Variants in ATP6V0D1 observed in about 807,000 individuals in gnomAD.
The protein encoded by ATP6V0D1 is V-type proton ATPase subunit d 1.
Under a neutral mutation model 39.0 loss-of-function variants are expected in ATP6V0D1, and 13 were observed. That is an observed-to-expected ratio of 0.33 (90% CI 0.22 to 0.53). The LOEUF is 0.53. Among genes scored for constraint, ATP6V0D1 ranks in the 20% least tolerant of loss-of-function variants. The probability of loss-of-function intolerance (pLI) is 0.94; values close to 1 mark genes in which losing one functional copy is unlikely to be tolerated. For synonymous variants in ATP6V0D1, 191 were observed against 191.2 expected (o/e 1.00, Z 0.01); for missense variants, 272 against 470.9 (o/e 0.58, Z 3.91).
intron 4 of ATP6V0D1, among the ~76,000 whole-genome samples, chr16:67,442,337 G>A (rs984071693): frequency 6.6e-6 from 1 of 152,196 alleles, no homozygotes; most frequent in African/African-American, 2.4e-5. Context: ...CCTGCCCACT[G>A]CGGATCCATG....
chr16:67,471,422 T>C (rs539428328), intron 1 of ATP6V0D1, among the ~76,000 whole-genome samples: 3 of 152,154 alleles, frequency 2.0e-5, no homozygotes, highest in Non-Finnish European at 4.4e-5. Flanking sequence ...ACTCCTGACC[T>C]CAAGCGATCT....
At chr16:67,479,809 C>T (rs1300387149) in intron 1 of ATP6V0D1, among the ~76,000 whole-genome samples, 2 of 152,264 alleles carry the variant, frequency 1.3e-5, no homozygotes, top group East Asian at 3.9e-4. Context: ...ATCCTGGCCA[C>T]CCTTCCCTTC....
rs72650139 is a variant in ATP6V0D1, at chr16:67,438,959, C to T, written c.816+12G>A. 1.7e-3 allele frequency: 2,751 copies of T among 1,613,452 alleles called. 4 individuals are homozygous for T. The highest frequency in any genetic ancestry group is 4.8e-3 in the Middle Eastern group (29 of 6,060). ...CACATCCAACCGCTGTCCTGCCAGC[C>T]GGGGCACTCACCGGGTAGTAATCGG... On this transcript the variant is annotated intron_variant, in intron 6 of 7. Transcript: ENST00000290949.
intron 1 of ATP6V0D1, among the ~76,000 whole-genome samples, chr16:67,461,927 CTCATACTCTCAGGAACACCTTG>C: frequency 6.6e-6 from 1 of 152,302 alleles, no homozygotes; most frequent in African/African-American, 2.4e-5. Flanking sequence ...TTTAATTACC[CTCATACTCTCAGGAACACCTTG>C]TCCCTGAGGC....
intron 4 of ATP6V0D1, 61 bp downstream of exon 4, chr16:67,443,038 C>A (rs1402048548): frequency 6.4e-7 from 1 of 1,566,766 alleles, no homozygotes; most frequent in African/African-American, 1.4e-5. Context: ...CACCACCCTA[C>A]CACTTCCCAC....
chr16:67,438,412 G>T lies in ATP6V0D1; in HGVS notation c.*116C>A. The T allele has an allele frequency of 1.6e-6, 2 of 1,282,432 alleles. No individual in the cohort carries two copies. Among genetic ancestry groups the T allele is most frequent in the Non-Finnish European group, 2.2e-6 (2 of 923,712 alleles). 79.4% of individuals were successfully genotyped at this position (1,282,432 alleles called of 1,614,324 possible). On this transcript the variant is annotated 3_prime_UTR_variant, in exon 8 of 8. Coordinates refer to ENST00000290949, the MANE Select transcript of ATP6V0D1 (RefSeq NM_004691.5). ...CCGCTAGGACAGCGTACTACACCCC[G>T]GACAGGCAGGTGAGCCACAGGCTTG...
chr16:67,443,752 G>GA (rs2041082264), intron 3 of ATP6V0D1, among the ~76,000 whole-genome samples: 1 of 152,198 alleles, frequency 6.6e-6, no homozygotes, highest in Non-Finnish European at 1.5e-5. Flanking sequence ...TAAAGATGGA[G>GA]AAACTGAAGA....
At chr16:67,439,404 T>G in intron 4 of ATP6V0D1, 53 bp from the exon 5 acceptor site, 2 of 1,568,208 alleles carry the variant, frequency 1.3e-6, no homozygotes, top group Non-Finnish European at 1.8e-6. Flanking sequence ...CTGGAGGGCT[T>G]GCTAGGCACA....
At chr16:67,443,855 C>T (rs1182656022) in intron 3 of ATP6V0D1, among the ~76,000 whole-genome samples, 7 of 152,356 alleles carry the variant, frequency 4.6e-5, no homozygotes, top group Admixed American at 3.9e-4. Context: ...TAGCTCAGAA[C>T]CCAGTGCAGC....
intron 1 of ATP6V0D1, among the ~76,000 whole-genome samples, chr16:67,469,903 C>T (rs77925674): frequency 5.2e-4 from 79 of 152,306 alleles, no homozygotes; most frequent in Admixed American, 9.1e-4. Flanking sequence ...GACAACTTGG[C>T]GCCTATGCTT....
intron 1 of ATP6V0D1, among the ~76,000 whole-genome samples, chr16:67,473,440 C>G (rs1335390690): frequency 6.6e-6 from 1 of 152,092 alleles, no homozygotes; most frequent in Non-Finnish European, 1.5e-5. Context: ...CCTCCACCTT[C>G]CGGGTTCAAG....
chr16:67,447,545 T>C lies in ATP6V0D1; in HGVS notation c.303-2839A>G, dbSNP rs779631248. 6.6e-6 allele frequency among the ~76,000 whole-genome samples: 1 copy of C among 151,234 alleles called. No homozygotes were observed. The highest frequency in any genetic ancestry group is 1.5e-5 in the Non-Finnish European group (1 of 67,810). On this transcript the variant is annotated intron_variant, in intron 2 of 7. Transcript: ENST00000290949. This position sits in a 1 kb window ranked among gnomAD's most constrained non-coding sequence, Gnocchi z 4.1. The stretch of plus-strand genomic sequence containing the variant: ...AATAAGGTTCCAGCTGGTCAGCATC[T>C]CCCTCCAGGGGAAGACAGCTGGGGA...
chr16:67,462,689 G>A (rs1382165754), intron 1 of ATP6V0D1, among the ~76,000 whole-genome samples: 4 of 152,172 alleles, frequency 2.6e-5, no homozygotes, highest in African/African-American at 4.8e-5. Flanking sequence ...TGAGCCCAGC[G>A]CAGTGGTACA....
chr16:67,438,536 T>C lies in ATP6V0D1; in HGVS notation c.1048A>G (p.Ile350Val). The C allele has an allele frequency of 6.2e-7, 1 of 1,613,958 alleles. No homozygotes were observed. Among genetic ancestry groups the C allele is most frequent in the Non-Finnish European group, 8.5e-7 (1 of 1,179,992 alleles). ...AGCCTTGGGCCAGGACGCTAGAAGA[T>C]AGGGATGTAGTTGTCGATTTTGGCG... The part of the protein sequence containing the change: ...HRAKIDNYIP[I>V]F Residue 350 changes from isoleucine to valine, a missense_variant, in exon 8 of 8, where the codon ATC becomes GTC. Physicochemically the swap from Ile to Val is conservative, Grantham distance 29 (BLOSUM62 3). Transcript: ENST00000290949.
intron 2 of ATP6V0D1, among the ~76,000 whole-genome samples, chr16:67,446,529 C>T (rs1456058195): frequency 6.6e-6 from 1 of 152,204 alleles, no homozygotes; most frequent in Non-Finnish European, 1.5e-5. Context: ...CCCCCAACCC[C>T]ACAGTGCTGG....
intron 1 of ATP6V0D1, among the ~76,000 whole-genome samples, chr16:67,464,803 C>A (rs1220032138): frequency 6.6e-6 from 1 of 152,272 alleles, no homozygotes; most frequent in Non-Finnish European, 1.5e-5. Flanking sequence ...AAGGTCTGGG[C>A]AAGTGCCCAG....
chr16:67,438,471 GCGCA>G lies in ATP6V0D1; in HGVS notation c.*53_*56del. ...CACATACACACACACGCACACACAC[GCGCA>G]CACACACACACACACACACAAAGAG... On this transcript the variant is annotated 3_prime_UTR_variant, in exon 8 of 8. Transcript: ENST00000290949. 4.6e-6 allele frequency: 7 copies of G among 1,522,748 alleles called. No individual in the cohort carries two copies. Among genetic ancestry groups the G allele is most frequent in the East Asian group, 2.3e-5 (1 of 42,786 alleles). The allele number at this position is 1,522,748 out of a possible 1,614,324, so 94.3% of individuals were successfully genotyped here. A position where few individuals can be genotyped will look rare whatever the true frequency, so the allele number is the denominator to read the frequency against.
chr16:67,449,146 A>T (rs547536771), intron 2 of ATP6V0D1, among the ~76,000 whole-genome samples: 1 of 152,214 alleles, frequency 6.6e-6, no homozygotes, highest in Non-Finnish European at 1.5e-5. Flanking sequence ...GGCTGGTGGC[A>T]CTGAGGCCCC....
rs112722649 is a variant in ATP6V0D1 at position 67,438,526 on chromosome 16, C to A, written c.*2G>T. ...TGCAATTGAGAGCCTTGGGCCAGGA[C>A]GCTAGAAGATAGGGATGTAGTTGTC... On this transcript the variant is annotated 3_prime_UTR_variant, in exon 8 of 8. Transcript: ENST00000290949. 47 of 1,614,034 alleles carry A rather than the reference C, an allele frequency of 2.9e-5. No individual in the cohort carries two copies. The highest frequency in any genetic ancestry group is 2.7e-4 in the African/African-American group (20 of 75,028).
Sources: gnomAD v4.1 joint callset for allele counts (sites outside exome capture counted in the v4.1 genomes callset) on GRCh38, gnomAD v4.1.1 for gene constraint, Gnocchi (gnomAD v3.1) non-coding constraint, MANE v1.5 for transcripts, NCBI Gene and HGNC (gene_info 2026-07-23, HGNC 2026-07-21) for gene names.